TENM2: variants seen among roughly 807,000 people sequenced by gnomAD.
The protein encoded by TENM2 is teneurin transmembrane protein 2, also known as teneurin-2.
Under a neutral mutation model 245.2 loss-of-function variants are expected in TENM2, and 52 were observed. That is an observed-to-expected ratio of 0.21 (90% CI 0.17 to 0.27). The LOEUF is 0.27. Among genes scored for constraint, TENM2 ranks in the 10% least tolerant of loss-of-function variants. TENM2 has a pLI of 1.00. For synonymous variants in TENM2, 1,363 were observed against 1,438.9 expected, an observed-to-expected ratio of 0.95 and a Z score of 1.19; for missense variants, 3,046 against 3,666.8, an observed-to-expected ratio of 0.83 and a Z score of 4.37.
At chr5:167,701,398 T>G (rs201428390) in intron 2 of TENM2, among the ~76,000 whole-genome samples, 1 of 90,952 alleles carries the variant, frequency 1.1e-5, no homozygotes, top group Non-Finnish European at 2.5e-5. Context: ...TGGGTGTTTG[T>G]TTTTTTTTTT....
chr5:167,636,352 G>A (rs1779211595), intron 2 of TENM2, among the ~76,000 whole-genome samples: 1 of 152,182 alleles, frequency 6.6e-6, no homozygotes, highest in Non-Finnish European at 1.5e-5. Context: ...TTGAGTTCAA[G>A]AATATAAATT....
chr5:167,255,388 A>G, the TENM2 span, among the ~76,000 whole-genome samples: 13 of 152,174 alleles, frequency 8.5e-5, no homozygotes, highest in South Asian at 2.1e-4. Flanking sequence ...TGAAGGTCCT[A>G]TTTCCACGGG....
intron 2 of TENM2, among the ~76,000 whole-genome samples, chr5:167,620,056 G>C (rs1191758698): frequency 6.6e-6 from 1 of 152,120 alleles, no homozygotes; most frequent in Admixed American, 6.6e-5. Flanking sequence ...TTAAGAGTAG[G>C]GTTGTGTTAA....
At chr5:168,001,618 A>G (rs900233328) in intron 5 of TENM2, among the ~76,000 whole-genome samples, 3 of 152,216 alleles carry the variant, frequency 2.0e-5, no homozygotes, top group Non-Finnish European at 4.4e-5. Flanking sequence ...GGCCTCATAC[A>G]ACAGAAACCT....
At chr5:167,575,348 G>C (rs1774573531) in intron 2 of TENM2, among the ~76,000 whole-genome samples, 1 of 152,148 alleles carries the variant, frequency 6.6e-6, no homozygotes. Flanking sequence ...ACCTGTACTA[G>C]GTTTGGTCCT....
chr5:167,712,261 T>C (rs1758963170), intron 2 of TENM2, among the ~76,000 whole-genome samples: 1 of 152,214 alleles, frequency 6.6e-6, no homozygotes, highest in African/African-American at 2.4e-5. Context: ...TGAGGTATTT[T>C]AGTGTATATT....
At chr5:167,779,700 C>T (rs1029143184) in intron 2 of TENM2, among the ~76,000 whole-genome samples, 1 of 152,200 alleles carries the variant, frequency 6.6e-6, no homozygotes, top group African/African-American at 2.4e-5. Context: ...CTCCCCTCTT[C>T]GTGTTTGAAT....
chr5:167,730,173 T>C (rs886396242), intron 2 of TENM2, among the ~76,000 whole-genome samples: 2 of 152,206 alleles, frequency 1.3e-5, no homozygotes, highest in Non-Finnish European at 2.9e-5. Context: ...GTTGTTCTCA[T>C]TGGAGCATAC....
At chr5:168,205,794 G>A (rs1762306286) in intron 19 of TENM2, among the ~76,000 whole-genome samples, 1 of 152,168 alleles carries the variant, frequency 6.6e-6, no homozygotes, top group African/African-American at 2.4e-5. Flanking sequence ...AGCAATGGAG[G>A]TTGAAGTAGG....
intron 2 of TENM2, among the ~76,000 whole-genome samples, chr5:167,738,200 A>G (rs1248003283): frequency 1.3e-5 from 2 of 152,174 alleles, no homozygotes; most frequent in African/African-American, 4.8e-5. Flanking sequence ...ATATCTAGCA[A>G]TGCAGTAGCA....
At chr5:167,281,404 C>T (rs559893323), upstream of TENM2, among the ~76,000 whole-genome samples, 8 of 151,946 alleles carry the variant, frequency 5.3e-5, 1 homozygote, top group South Asian at 1.0e-3. Flanking sequence ...CGTGAGCCAC[C>T]GCACCAGGCT....
chr5:167,828,706 T>C (rs1768199396), intron 2 of TENM2, among the ~76,000 whole-genome samples: 1 of 152,208 alleles, frequency 6.6e-6, no homozygotes, highest in African/African-American at 2.4e-5. Context: ...AATATAATTT[T>C]ATTAGGAAGG....
At chr5:167,872,530 AAGAAAGAAAGAAAGAAAGAGAAAG>A (rs1773028975) in intron 2 of TENM2, among the ~76,000 whole-genome samples, 3 of 51,230 alleles carry the variant, frequency 5.9e-5, no homozygotes, top group African/African-American at 1.6e-4. Context: ...GAAAGAAAGA[AAGAAAGAAAGAAAGAAAGAGAAAG>A]AAAGAAAGAA....
chr5:167,369,670 GT>G (rs1760285350), intron 1 of TENM2, among the ~76,000 whole-genome samples: 3 of 152,084 alleles, frequency 2.0e-5, no homozygotes, highest in Non-Finnish European at 2.9e-5. Context: ...GACTTTTCAT[GT>G]TATTACAACT....
At chr5:167,971,368 TAGA>T (rs70976454) in intron 4 of TENM2, among the ~76,000 whole-genome samples, 1 of 151,354 alleles carries the variant, frequency 6.6e-6, no homozygotes, top group Non-Finnish European at 1.5e-5. Flanking sequence ...TAGAAAATAT[TAGA>T]AGGAGTCAAG....
intron 1 of TENM2, among the ~76,000 whole-genome samples, chr5:167,353,278 G>A (rs1366026443): frequency 7.1e-6 from 1 of 140,566 alleles, no homozygotes; most frequent in Non-Finnish European, 1.5e-5. Context: ...GGTGCTGAAC[G>A]TTTTGAAATT....
At chr5:167,605,317 A>G (rs1458911243) in intron 2 of TENM2, among the ~76,000 whole-genome samples, 1 of 152,226 alleles carries the variant, frequency 6.6e-6, no homozygotes, top group African/African-American at 2.4e-5. Context: ...ACTGAATATT[A>G]AGAACCTAGT....
chr5:167,359,327 A>G (rs1759554468), intron 1 of TENM2, among the ~76,000 whole-genome samples: 1 of 152,114 alleles, frequency 6.6e-6, no homozygotes, highest in Non-Finnish European at 1.5e-5. Flanking sequence ...TGCTCTTCCT[A>G]GAATGTGCCA....
At chr5:167,872,901 T>C (rs1228423723) in intron 2 of TENM2, among the ~76,000 whole-genome samples, 1 of 152,258 alleles carries the variant, frequency 6.6e-6, no homozygotes, top group Non-Finnish European at 1.5e-5. Context: ...GCAACTATCA[T>C]ATCAGGCTCC....
Sources: gnomAD v4.1 joint callset for allele counts (sites outside exome capture counted in the v4.1 genomes callset) on GRCh38, gnomAD v4.1.1 for gene constraint, MANE v1.5 for transcripts, NCBI Gene and HGNC (gene_info 2026-07-23, HGNC 2026-07-21) for gene names.